Variants in CCDC33 observed in about 807,000 individuals in gnomAD.
CCDC33 encodes the protein coiled-coil domain-containing protein 33.
In CCDC33, 94 loss-of-function variants were observed where a neutral mutation model predicts 91.9. The ratio of observed to expected loss-of-function variants is 1.02; its 90% confidence interval spans 0.87 to 1.21. The LOEUF (loss-of-function observed/expected upper bound fraction) is 1.21. Among genes scored for constraint, CCDC33 ranks in the 50% most tolerant of loss-of-function variants. CCDC33 has a pLI of 0.00. For synonymous variants in CCDC33, 396 were observed against 374.5 expected (o/e 1.06, Z -0.66); for missense variants, 940 against 935.5 (o/e 1.00, Z -0.06).
At chr15:74,205,194 A>T (rs1038557769) in intron 1 of CCDC33, among the ~76,000 whole-genome samples, 3 of 152,186 alleles carry the variant, frequency 2.0e-5, no homozygotes, top group Non-Finnish European at 4.4e-5. Context: ...TGCTGATACC[A>T]GAGGGGAGAG....
At chr15:74,257,572 C>A (rs979375901) in intron 2 of CCDC33, among the ~76,000 whole-genome samples, 17 of 152,216 alleles carry the variant, frequency 1.1e-4, no homozygotes, top group African/African-American at 3.6e-4. Flanking sequence ...CAAAAAGGGG[C>A]CTTGAGAGGG....
At chr15:74,217,424 C>T (rs1432994992) in exon 1 of CCDC33, 1 of 1,289,744 alleles carries the variant, frequency 7.8e-7, no homozygotes, top group South Asian at 1.2e-5. Flanking sequence ...CAGCAGAGAA[C>T]CCCCTGCAGG....
At chr15:74,249,473 G>A (rs1386353122) in intron 2 of CCDC33, among the ~76,000 whole-genome samples, 4 of 149,626 alleles carry the variant, frequency 2.7e-5, no homozygotes, top group Admixed American at 2.0e-4. Flanking sequence ...GGGTGACAGA[G>A]CGAGGCTCCG....
chr15:74,209,225 A>G (rs752026078), intron 1 of CCDC33: 275 of 1,085,724 alleles, frequency 2.5e-4, no homozygotes, highest in Non-Finnish European at 3.4e-4. Context: ...GCCTCTCCAC[A>G]CCCCCAAACC....
At chr15:74,320,452 C>T (rs1453859096) in intron 11 of CCDC33, among the ~76,000 whole-genome samples, 1 of 152,042 alleles carries the variant, frequency 6.6e-6, no homozygotes, top group Non-Finnish European at 1.5e-5. Flanking sequence ...AGCCATGTCC[C>T]ACACAAGGCC....
intron 3 of CCDC33, among the ~76,000 whole-genome samples, chr15:74,265,648 A>T (rs77303652): frequency 0.012 from 1,773 of 152,346 alleles, 36 homozygotes; most frequent in African/African-American, 0.041. Flanking sequence ...GGCACATAGT[A>T]GATACTCACT....
upstream of CCDC33, among the ~76,000 whole-genome samples, chr15:74,232,989 C>T (rs1033504008): frequency 2.0e-5 from 3 of 152,230 alleles, no homozygotes; most frequent in Admixed American, 1.3e-4. Context: ...TCTCTGTTCC[C>T]GGCTTCCAGG....
chr15:74,333,191 G>A, intron 16 of CCDC33: 1 of 1,519,200 alleles, frequency 6.6e-7, no homozygotes. Context: ...TGGTCTTGGT[G>A]CAGCCTTGGA....
intron 11 of CCDC33, among the ~76,000 whole-genome samples, chr15:74,324,236 A>G (rs2959008): frequency 0.56 from 84,924 of 151,722 alleles, 25,040 homozygotes; most frequent in Non-Finnish European, 0.66. Flanking sequence ...CGTGACATAC[A>G]CATTGCTTTG....
At chr15:74,296,075 ACT>A in intron 11 of CCDC33, 127 bp downstream of exon 11, 1 of 758,098 alleles carries the variant, frequency 1.3e-6, no homozygotes, top group South Asian at 2.0e-5. Flanking sequence ...CCTTAGGCAC[ACT>A]CTGCATGTGA....
Position 74,244,293 on chromosome 15 carries a change from T to C in CCDC33, c.185+145T>C. ...GGGAGGAGCTGCTGTGGGCACTACC[T>C]GGCATCTCCGCTGCTGCATGGGAAG... On this transcript the variant is annotated intron_variant, in intron 2 of 18. Transcript: ENST00000398814. This position sits in a 1 kb window ranked among gnomAD's most constrained non-coding sequence, Gnocchi z 4.2. The C allele has an allele frequency of 9.3e-7, 1 of 1,074,006 alleles. No homozygotes were observed. The allele number at this position is 1,074,006 out of a possible 1,614,324, so 66.5% of individuals were successfully genotyped here.
intron 2 of CCDC33, among the ~76,000 whole-genome samples, chr15:74,250,455 CAGAAACATTCTG>C (rs1305438482): frequency 1.3e-5 from 2 of 152,202 alleles, no homozygotes; most frequent in Non-Finnish European, 2.9e-5. Context: ...TAGGCATTCT[CAGAAACATTCTG>C]AGAAACATTC....
intron 11 of CCDC33, among the ~76,000 whole-genome samples, chr15:74,315,055 C>G (rs995004542): frequency 3.9e-5 from 6 of 152,178 alleles, no homozygotes; most frequent in Non-Finnish European, 8.8e-5. Flanking sequence ...ATGACAGCCT[C>G]AGAATGTATG....
intron 2 of CCDC33, among the ~76,000 whole-genome samples, chr15:74,248,996 C>G (rs1280962474): frequency 6.6e-6 from 1 of 152,204 alleles, no homozygotes; most frequent in Non-Finnish European, 1.5e-5. Context: ...CTTAGATCAG[C>G]AAACTACAGA....
Position 74,230,811 on chromosome 15 carries a change from A to T in CCDC33, c.675+11950A>T, listed in dbSNP as rs149453585. ...CACCCTGCACAGAGCCTGCTGGTAG[A>T]CCTGCTCTGCAGATGAGGAATGGGA... On this transcript the variant is annotated intron_variant, in intron 2 of 2. Transcript: ENST00000635913. Among the ~76,000 whole-genome samples the T allele has an allele frequency of 3.4e-3, 524 of 152,270 alleles. 2 individuals carry two copies. The highest frequency in any genetic ancestry group is 0.012 in the African/African-American group (511 of 41,550).
intron 5 of CCDC33, among the ~76,000 whole-genome samples, chr15:74,268,944 G>C (rs2076243693): frequency 6.6e-6 from 1 of 152,240 alleles, no homozygotes; most frequent in Non-Finnish European, 1.5e-5. Context: ...GTCTAAAGAG[G>C]TTTGACTGGT....
rs1484210 is a variant in CCDC33, at chr15:74,312,311, C to G, written c.1290+16363C>G. ...GGCACATCTTCCTGAAGGGGTTCAG[C>G]CTGTCCATGGCAGGCCAGCCGCAGT... On this transcript the variant is annotated intron_variant, in intron 11 of 18. Transcript: ENST00000398814. Among the ~76,000 whole-genome samples the G allele has an allele frequency of 2.6e-5, 4 of 152,004 alleles. No individual in the cohort carries two copies. The East Asian group carries it at 7.7e-4, about 29-fold the overall frequency.
intron 11 of CCDC33, among the ~76,000 whole-genome samples, chr15:74,318,090 G>GA (rs1567029363): frequency 6.6e-6 from 1 of 150,494 alleles, no homozygotes; most frequent in Non-Finnish European, 1.5e-5. Flanking sequence ...CTGCTGCGGG[G>GA]TGGGGAGGAC....
At chr15:74,329,177 T>C (rs888039517) in intron 11 of CCDC33, among the ~76,000 whole-genome samples, 1 of 152,134 alleles carries the variant, frequency 6.6e-6, no homozygotes. Flanking sequence ...TATATATATA[T>C]ACATGCACAT....
Sources: allele counts gnomAD v4.1 joint callset (sites outside exome capture counted in the v4.1 genomes callset), GRCh38; gene constraint gnomAD v4.1.1; non-coding constraint Gnocchi (gnomAD v3.1); transcripts MANE v1.5; gene names NCBI Gene and HGNC (gene_info 2026-07-23, HGNC 2026-07-21).